TBC1D5: variants seen among roughly 807,000 people sequenced by gnomAD.
TBC1D5 encodes TBC1 domain family, member 5.
A neutral mutation model predicts 100.3 loss-of-function variants in TBC1D5; 75 were observed. The ratio of observed to expected loss-of-function variants is 0.75; its 90% CI spans 0.62 to 0.91. The LOEUF (loss-of-function observed/expected upper bound fraction) is 0.91. Ranked by LOEUF, TBC1D5 falls within the 40% of genes least tolerant of loss-of-function variation. The pLI, the probability that TBC1D5 is intolerant of heterozygous loss-of-function variation, is 0.00. For synonymous variants in TBC1D5, 323 were observed against 325.6 expected (o/e 0.99, Z 0.09); for missense variants, 910 against 942.4 (o/e 0.97, Z 0.45).
intron 2 of TBC1D5, among the ~76,000 whole-genome samples, chr3:17,575,962 A>G (rs1054149758): frequency 6.6e-6 from 1 of 152,060 alleles, no homozygotes; most frequent in African/African-American, 2.4e-5. Flanking sequence ...AGGTTAATAT[A>G]TTTTTCCCAT....
intron 4 of TBC1D5, among the ~76,000 whole-genome samples, chr3:17,423,734 C>G (rs911478501): frequency 2.0e-5 from 3 of 152,032 alleles, no homozygotes; most frequent in Admixed American, 2.0e-4. Context: ...TGATTTACTA[C>G]AGTTTATATA....
At chr3:17,350,737 T>G (rs906795071) in intron 13 of TBC1D5, among the ~76,000 whole-genome samples, 1 of 152,172 alleles carries the variant, frequency 6.6e-6, no homozygotes, top group Non-Finnish European at 1.5e-5. Context: ...ATGAGGAAAT[T>G]TTTTTAACTA....
chr3:17,594,462 G>GTATTCTATTTACTACTACC (rs2060435065), intron 2 of TBC1D5, among the ~76,000 whole-genome samples: 1 of 152,130 alleles, frequency 6.6e-6, no homozygotes, highest in Admixed American at 6.6e-5. Context: ...TACAGAATAG[G>GTATTCTATTTACTACTACC]TAGTAGTAAA....
intron 3 of TBC1D5, among the ~76,000 whole-genome samples, chr3:17,455,544 G>GTATA (rs1553764184): frequency 7.4e-5 from 11 of 147,778 alleles, no homozygotes; most frequent in African/African-American, 2.8e-4. Context: ...GTGTGTGTGT[G>GTATA]TATATATATA....
chr3:17,270,755 CT>C (rs1307940724), intron 15 of TBC1D5, among the ~76,000 whole-genome samples: 1 of 152,078 alleles, frequency 6.6e-6, no homozygotes, highest in African/African-American at 2.4e-5. Context: ...TGAGGTCTCA[CT>C]TTTAAGGCTC....
intron 2 of TBC1D5, among the ~76,000 whole-genome samples, chr3:17,585,533 A>C (rs960731855): frequency 4.6e-5 from 7 of 152,188 alleles, no homozygotes; most frequent in African/African-American, 1.7e-4. Flanking sequence ...CAGTTCTCTA[A>C]GTCATTTGAC....
chr3:17,675,745 T>G (rs1037504045), intron 1 of TBC1D5, among the ~76,000 whole-genome samples: 1 of 143,234 alleles, frequency 7.0e-6, no homozygotes, highest in Non-Finnish European at 1.6e-5. Context: ...GTGACAAAGA[T>G]TTTTTTAACC....
intron 7 of TBC1D5, among the ~76,000 whole-genome samples, chr3:17,403,703 T>C (rs770722241): frequency 6.6e-6 from 1 of 152,164 alleles, no homozygotes; most frequent in Non-Finnish European, 1.5e-5. Context: ...GAAATACTTA[T>C]GCCATTTTAT....
chr3:17,396,871 A>G (rs529115215), intron 8 of TBC1D5, among the ~76,000 whole-genome samples: 5 of 152,234 alleles, frequency 3.3e-5, no homozygotes, highest in African/African-American at 1.2e-4. Context: ...AAAATAAAAC[A>G]ATAATGAATT....
intron 4 of TBC1D5, among the ~76,000 whole-genome samples, chr3:17,422,440 GCCT>G (rs2094233789): frequency 6.6e-6 from 1 of 151,494 alleles, no homozygotes; most frequent in South Asian, 2.1e-4. Flanking sequence ...ACCCACCTCA[GCCT>G]CCAAAAGCGC....
intron 13 of TBC1D5, among the ~76,000 whole-genome samples, chr3:17,329,098 G>C (rs1036458901): frequency 5.3e-5 from 8 of 152,120 alleles, no homozygotes; most frequent in African/African-American, 1.9e-4. Context: ...GTCACTGAAA[G>C]GCATCTCTCC....
At chr3:17,264,442 T>G (rs2078650274) in intron 15 of TBC1D5, among the ~76,000 whole-genome samples, 1 of 152,232 alleles carries the variant, frequency 6.6e-6, no homozygotes, top group Admixed American at 6.5e-5. Context: ...AAGGACTGGC[T>G]ATTTATAAAT....
chr3:17,701,820 G>C (rs374742939), intron 1 of TBC1D5, among the ~76,000 whole-genome samples: 1 of 151,006 alleles, frequency 6.6e-6, no homozygotes, highest in Non-Finnish European at 1.5e-5. Context: ...AAAATTACTA[G>C]AACACAATCC....
At chr3:17,240,799 A>C (rs2076244462) in intron 16 of TBC1D5, among the ~76,000 whole-genome samples, 1 of 152,160 alleles carries the variant, frequency 6.6e-6, no homozygotes, top group African/African-American at 2.4e-5. Context: ...ATACAAAAAA[A>C]GTACTAGTCA....
At chr3:17,610,463 G>C (rs145784626) in intron 2 of TBC1D5, among the ~76,000 whole-genome samples, 1 of 151,924 alleles carries the variant, frequency 6.6e-6, no homozygotes, top group Non-Finnish European at 1.5e-5. Context: ...CTGGGATTAC[G>C]GGCATGAGCC....
chr3:17,385,386 A>T (rs553635249), intron 8 of TBC1D5, among the ~76,000 whole-genome samples: 2 of 152,164 alleles, frequency 1.3e-5, no homozygotes, highest in East Asian at 3.9e-4. Context: ...AACATTCCTT[A>T]ATGAGTCTTT....
At chr3:17,364,038 C>A (rs2151925489) in intron 13 of TBC1D5, among the ~76,000 whole-genome samples, 1 of 150,778 alleles carries the variant, frequency 6.6e-6, no homozygotes, top group Middle Eastern at 3.4e-3. Flanking sequence ...ACCACCCCCT[C>A]CCCGGACTGA....
chr3:17,614,446 C>G (rs551978154), intron 2 of TBC1D5, among the ~76,000 whole-genome samples: 201 of 152,164 alleles, frequency 1.3e-3, no homozygotes, highest in Non-Finnish European at 2.3e-3. Context: ...AGCTTGATGG[C>G]GATGGTATTG....
intron 16 of TBC1D5, among the ~76,000 whole-genome samples, chr3:17,257,312 T>C (rs1030166262): frequency 6.6e-6 from 1 of 152,186 alleles, no homozygotes; most frequent in African/African-American, 2.4e-5. Context: ...TATAAGTGAC[T>C]AGGGTGTAAG....
Sources: allele counts gnomAD v4.1 joint callset (sites outside exome capture counted in the v4.1 genomes callset), GRCh38; gene constraint gnomAD v4.1.1; transcripts MANE v1.5; gene names NCBI Gene and HGNC (gene_info 2026-07-23, HGNC 2026-07-21).